Variants in KIAA0319L observed in about 807,000 individuals in gnomAD.
KIAA0319L encodes the protein KIAA0319 like, also known as dyslexia-associated protein KIAA0319-like protein.
Under a neutral mutation model 120.1 loss-of-function variants are expected in KIAA0319L, and 55 were observed. The ratio of observed to expected loss-of-function variants is 0.46; its 90% CI spans 0.37 to 0.57. The LOEUF is 0.57. Ranked by LOEUF, KIAA0319L falls within the 20% of genes least tolerant of loss-of-function variation. KIAA0319L has a pLI of 0.00. For missense variants in KIAA0319L, 1,049 were observed against 1,255.3 expected, an observed-to-expected ratio of 0.84 and a Z score of 2.48; for synonymous variants, 398 against 471.9, an observed-to-expected ratio of 0.84 and a Z score of 2.03.
At chr1:35,477,388 C>T (rs1024598406) in intron 4 of KIAA0319L, among the ~76,000 whole-genome samples, 3 of 152,192 alleles carry the variant, frequency 2.0e-5, no homozygotes, top group Non-Finnish European at 4.4e-5. Flanking sequence ...AATGAGATGG[C>T]CGGGCGCGGT....
At chr1:35,557,167 T>A (rs1377296532) in intron 1 of KIAA0319L, 40 bp downstream of exon 1, 1 of 165,748 alleles carries the variant, frequency 6.0e-6, no homozygotes, top group African/African-American at 2.4e-5. Context: ...CCTGAGCCCA[T>A]GGTCCTCGGC....
intron 14 of KIAA0319L, 128 bp from the exon 15 acceptor site, chr1:35,450,133 A>C: frequency 1.7e-6 from 2 of 1,171,336 alleles, no homozygotes; most frequent in Non-Finnish European, 2.5e-6. Context: ...AGTTCCTGAT[A>C]CGGAACAGCA....
At chr1:35,491,976 G>A (rs1041718648) in intron 3 of KIAA0319L, among the ~76,000 whole-genome samples, 2 of 152,298 alleles carry the variant, frequency 1.3e-5, no homozygotes, top group South Asian at 2.1e-4. Context: ...ACATAGCAAT[G>A]TATCTATCAC....
At chr1:35,549,368 T>C (rs1285331043) in intron 2 of KIAA0319L, among the ~76,000 whole-genome samples, 1 of 152,192 alleles carries the variant, frequency 6.6e-6, no homozygotes, top group African/African-American at 2.4e-5. Context: ...CTGGTAGTTA[T>C]TCCAGAGAAA....
At chr1:35,465,933 A>G (rs146047512) in intron 7 of KIAA0319L, among the ~76,000 whole-genome samples, 414 of 152,226 alleles carry the variant, frequency 2.7e-3, no homozygotes, top group Middle Eastern at 0.01. Flanking sequence ...CTTGTCTTCC[A>G]CCATGATTGT....
chr1:35,479,491 TA>T (rs752104021), intron 3 of KIAA0319L, among the ~76,000 whole-genome samples: 3 of 152,214 alleles, frequency 2.0e-5, no homozygotes, highest in Non-Finnish European at 4.4e-5. Flanking sequence ...TTTACCCTGT[TA>T]ACATTTCTAT....
At chr1:35,497,684 G>T (rs981044529) in intron 3 of KIAA0319L, among the ~76,000 whole-genome samples, 1 of 152,112 alleles carries the variant, frequency 6.6e-6, no homozygotes, top group Non-Finnish European at 1.5e-5. Context: ...ATTCCATGTG[G>T]GTGGAATGGA....
chr1:35,451,596 G>A, intron 13 of KIAA0319L, 32 bp downstream of exon 13: 3 of 1,605,168 alleles, frequency 1.9e-6, no homozygotes, highest in Non-Finnish European at 1.7e-6. Flanking sequence ...GACCCTAAGA[G>A]GCTGCTACAC....
At chr1:35,554,593 A>G (rs1647653825) in intron 1 of KIAA0319L, 74 bp from the exon 2 acceptor site, 1 of 1,092,854 alleles carries the variant, frequency 9.2e-7, no homozygotes, top group Non-Finnish European at 1.3e-6. Flanking sequence ...GGAATGCTAG[A>G]AAATATGACA....
chr1:35,456,019 C>T lies in KIAA0319L; in HGVS notation c.1650G>A (p.Glu550=). 1 of 1,611,578 alleles carries T rather than the reference C, an allele frequency of 6.2e-7. No homozygotes were observed. The highest frequency in any genetic ancestry group is 1.1e-5 in the South Asian group (1 of 90,862). The change falls in exon 10 of 21, where the codon GAG becomes GAA. Residue 550 remains glutamate, a synonymous_variant. Coordinates refer to ENST00000325722, the MANE Select transcript of KIAA0319L (RefSeq NM_024874.5). ...AGGAACCATTCCCTCCTACCTGCAT[C>T]TCCACCACTTTCCCTTTGCTGCTTG... ...LSPSSKGKVV[E]MQGVRTPTLQ... is the part of the protein sequence containing the mutation.
intron 16 of KIAA0319L, among the ~76,000 whole-genome samples, chr1:35,447,199 C>A (rs1403966895): frequency 7.9e-5 from 12 of 151,276 alleles, no homozygotes; most frequent in African/African-American, 2.9e-4. Context: ...TTGGTCTCTC[C>A]CTATTTTAGA....
rs893643891 is a variant in KIAA0319L, at chr1:35,471,201, C to T, written c.1016-241G>A. On this transcript the variant is annotated intron_variant, in intron 5 of 20. Coordinates refer to ENST00000325722, the MANE Select transcript of KIAA0319L (RefSeq NM_024874.5). ...CAACAATGCTTATTCCTGCCCTATA[C>T]CGACCCTCTCAGGGCCAATCCTCCC... is the stretch of plus-strand genomic sequence containing the variant. Among the ~76,000 whole-genome samples the T allele has an allele frequency of 2.0e-5, 3 of 152,282 alleles. No homozygotes were observed. The South Asian group carries it at 6.2e-4, about 32-fold the overall frequency.
intron 3 of KIAA0319L, among the ~76,000 whole-genome samples, chr1:35,502,841 G>A (rs1025164715): frequency 2.6e-5 from 4 of 151,898 alleles, no homozygotes; most frequent in Non-Finnish European, 4.4e-5. Context: ...CAACAACCTC[G>A]ATTTCCATAC....
intron 3 of KIAA0319L, among the ~76,000 whole-genome samples, chr1:35,494,818 A>G (rs982490177): frequency 4.6e-5 from 7 of 152,318 alleles, no homozygotes; most frequent in Admixed American, 3.9e-4. Context: ...CTCAAAAAAG[A>G]AAGCTACAGT....
intron 16 of KIAA0319L, among the ~76,000 whole-genome samples, chr1:35,444,777 C>G (rs1285955291): frequency 1.3e-5 from 2 of 152,174 alleles, no homozygotes; most frequent in Non-Finnish European, 2.9e-5. Flanking sequence ...AACCACAATG[C>G]TTTGTTAATG....
intron 3 of KIAA0319L, among the ~76,000 whole-genome samples, chr1:35,491,072 T>G (rs989981407): frequency 1.2e-4 from 19 of 152,202 alleles, no homozygotes; most frequent in Middle Eastern, 3.2e-3. Context: ...TAGTTCTTTA[T>G]AGCAATGTGA....
intron 4 of KIAA0319L, among the ~76,000 whole-genome samples, chr1:35,478,471 T>C (rs1644002925): frequency 6.6e-6 from 1 of 152,230 alleles, no homozygotes; most frequent in East Asian, 1.9e-4. Flanking sequence ...ATACTCTATT[T>C]TACATGATGT....
chr1:35,497,336 T>C (rs774026597), intron 3 of KIAA0319L, among the ~76,000 whole-genome samples: 10 of 152,186 alleles, frequency 6.6e-5, no homozygotes, highest in Non-Finnish European at 1.2e-4. Flanking sequence ...TTAAAAGGAA[T>C]GTTTCCTTAT....
intron 10 of KIAA0319L, chr1:35,454,738 A>T: frequency 1.3e-6 from 1 of 750,684 alleles, no homozygotes; most frequent in Non-Finnish European, 1.9e-6. Flanking sequence ...AACTCTCATA[A>T]GAGAGGGCAG....
Sources: allele counts gnomAD v4.1 joint callset (sites outside exome capture counted in the v4.1 genomes callset), GRCh38; gene constraint gnomAD v4.1.1; transcripts MANE v1.5; gene names NCBI Gene and HGNC (gene_info 2026-07-23, HGNC 2026-07-21).